SSX7: variants seen among roughly 807,000 people sequenced by gnomAD.
The protein encoded by SSX7 is protein SSX7.
Under a neutral mutation model 14.7 loss-of-function variants are expected in SSX7, and 15 were observed. The ratio of observed to expected loss-of-function variants is 1.02; its 90% CI spans 0.68 to 1.58. The LOEUF (loss-of-function observed/expected upper bound fraction) is 1.58, where lower values mean the gene tolerates loss of function less well. Ranked by LOEUF, SSX7 falls within the 40% of genes most tolerant of loss-of-function variation. The pLI, the probability that SSX7 is intolerant of heterozygous loss-of-function variation, is 0.00. For missense variants in SSX7, 178 were observed against 146.8 expected (o/e 1.21, Z -1.10); for synonymous variants, 46 against 50.6 (o/e 0.91, Z 0.38).
intron 6 of SSX7, 54 bp downstream of exon 6, chrX:52,648,207 C>A (rs1247675704): frequency 1.2e-5 from 14 of 1,189,133 alleles, no homozygotes; most frequent in Non-Finnish European, 1.6e-5. Flanking sequence ...AGTCCACACA[C>A]CTGAACATAG....
chrX:52,650,611 C>G (rs1375957834), intron 4 of SSX7, among the ~76,000 whole-genome samples: 2 of 112,198 alleles, frequency 1.8e-5, no homozygotes, highest in East Asian at 5.5e-4. Context: ...CATGGTTTAT[C>G]AAATGGGGAC....
rs1461847284 is a variant in SSX7, at chrX:52,648,499, C to A, written c.331-103G>T. On this transcript the variant is annotated intron_variant, in intron 5 of 7. Coordinates refer to ENST00000298181, the MANE Select transcript of SSX7 (RefSeq NM_173358.2). The stretch of plus-strand genomic sequence containing the variant: ...CATGCATTACCTTAATCAATGTTCT[C>A]AACAATGCTGGGAGAGTTACACATG... 17 of 1,104,454 alleles carry A rather than the reference C, an allele frequency of 1.5e-5. No individual in the cohort carries two copies. In the African/African-American group the frequency reaches 2.9e-4, roughly 19 times the overall value. The allele number at this position is 1,104,454 out of a possible 1,213,427, so 91.0% of individuals were successfully genotyped here. A position where few individuals can be genotyped will look rare whatever the true frequency, so the allele number is the denominator to read the frequency against.
chrX:52,645,438 C>G lies in SSX7; in HGVS notation c.*4+1G>C, dbSNP rs782722073. On this transcript the variant is annotated splice_donor_variant, in intron 7 of 7. Transcript: ENST00000298181. LOFTEE classifies it low-confidence loss of function (3UTR_SPLICE). ...GGGGGATGAGCCGAAGGTTCACTTACGGAGTTACTCGTCGTCTTCTTCAGG... is the reference window on the plus strand; with the variant it reads ...GGGGGATGAGCCGAAGGTTCACTTAGGGAGTTACTCGTCGTCTTCTTCAGG... 5.0e-6 allele frequency: 6 copies of G among 1,189,495 alleles called. No homozygotes were observed. Among genetic ancestry groups the G allele is most frequent in the Non-Finnish European group, 6.8e-6 (6 of 881,528 alleles).
Position 52,644,667 on chromosome X carries a change from G to A in SSX7, c.*8C>T, listed in dbSNP as rs781871092. Reference sequence around the variant, plus strand: ...CATCATGGGCATATGTCGTATCCCCGAGGCTGAGGCAAGAAGAGAGAAGGA... The same window carrying A: ...CATCATGGGCATATGTCGTATCCCCAAGGCTGAGGCAAGAAGAGAGAAGGA... On this transcript the variant is annotated 3_prime_UTR_variant, in exon 8 of 8. Coordinates refer to ENST00000298181, the MANE Select transcript of SSX7 (RefSeq NM_173358.2). 6.7e-5 allele frequency: 80 copies of A among 1,194,143 alleles called. No individual in the cohort carries two copies. Among genetic ancestry groups the A allele is most frequent in the South Asian group, 1.1e-4 (6 of 56,479 alleles).
intron 4 of SSX7, 93 bp downstream of exon 4, chrX:52,652,159 G>A: frequency 3.9e-6 from 3 of 770,987 alleles, no homozygotes; most frequent in Non-Finnish European, 6.0e-6. Flanking sequence ...ATGTGTATGA[G>A]GGAACAAATG....
intron 2 of SSX7, 165 bp from the exon 3 acceptor site, chrX:52,653,149 G>T (rs782266508): frequency 1.3e-6 from 1 of 752,111 alleles, no homozygotes; most frequent in East Asian, 1.5e-4. Flanking sequence ...ACACAGTAGG[G>T]CTTTAATGCT....
chrX:52,644,695 G>C (rs782095447), intron 7 of SSX7, 25 bp from the exon 8 acceptor site: 45 of 1,191,097 alleles, frequency 3.8e-5, no homozygotes, highest in Non-Finnish European at 4.9e-5. Context: ...GAGAAGGAAA[G>C]TAAGTGGCAG....
intron 1 of SSX7, among the ~76,000 whole-genome samples, chrX:52,654,409 C>T (rs28372319): frequency 0.021 from 1,715 of 82,839 alleles, 29 homozygotes; most frequent in Middle Eastern, 0.15. Flanking sequence ...TCTCTGCTGC[C>T]CAGGCTGGGA....
chrX:52,653,682 G>C (rs1172351488), intron 1 of SSX7, among the ~76,000 whole-genome samples, 190 bp from the exon 2 acceptor site: 1 of 110,504 alleles, frequency 9.0e-6, no homozygotes, highest in Non-Finnish European at 1.9e-5. Context: ...GGGTCTCTGG[G>C]AGAAGTATTG....
chrX:52,645,935 C>G (rs1346318237), intron 6 of SSX7, among the ~76,000 whole-genome samples: 8 of 111,676 alleles, frequency 7.2e-5, no homozygotes, highest in African/African-American at 2.6e-4. Flanking sequence ...ATCAATTTTA[C>G]ACCTTTCCGT....
intron 4 of SSX7, among the ~76,000 whole-genome samples, chrX:52,651,739 GGGGC>G (rs1556767014): frequency 2.7e-5 from 3 of 111,191 alleles, no homozygotes; most frequent in Non-Finnish European, 5.7e-5. Context: ...GCTGGGTGTG[GGGGC>G]GGGCACCCGT....
intron 7 of SSX7, among the ~76,000 whole-genome samples, chrX:52,644,885 T>A (rs1479303707): frequency 9.0e-6 from 1 of 111,100 alleles, no homozygotes; most frequent in African/African-American, 3.3e-5. Flanking sequence ...TAGAGGAAGG[T>A]GTGGCCCACA....
intron 6 of SSX7, among the ~76,000 whole-genome samples, chrX:52,647,086 C>CCACAACATT: frequency 8.9e-6 from 1 of 112,510 alleles, no homozygotes; most frequent in Non-Finnish European, 1.9e-5. Context: ...ATGAAACCAG[C>CCACAACATT]CACAACATTC....
chrX:52,653,777 G>A (rs1450537395), intron 1 of SSX7, among the ~76,000 whole-genome samples: 1 of 110,677 alleles, frequency 9.0e-6, no homozygotes, highest in Non-Finnish European at 1.9e-5. Flanking sequence ...GTTTCCCTGG[G>A]GCTAGCCTTA....
At chrX:52,652,071 C>T (rs1925450497) in intron 4 of SSX7, among the ~76,000 whole-genome samples, 181 bp downstream of exon 4, 1 of 107,472 alleles carries the variant, frequency 9.3e-6, no homozygotes, top group Admixed American at 1.0e-4. Flanking sequence ...TCTTGTTTTT[C>T]GTGTTTTAAA....
chrX:52,651,092 T>C (rs781971667), intron 4 of SSX7, among the ~76,000 whole-genome samples: 2 of 112,054 alleles, frequency 1.8e-5, no homozygotes, highest in South Asian at 7.5e-4. Context: ...CCGAAGAACC[T>C]GTCTTTTTTT....
Position 52,645,428 on chromosome X carries a change from G to A in SSX7, c.*4+11C>T, listed in dbSNP as rs1298862545. On this transcript the variant is annotated intron_variant, in intron 7 of 7. Transcript: ENST00000298181. The stretch of plus-strand genomic sequence containing the variant: ...GCAGGGATGTGGGGGATGAGCCGAA[G>A]GTTCACTTACGGAGTTACTCGTCGT... 6 of 1,201,294 alleles carry A rather than the reference G, an allele frequency of 5.0e-6. No homozygotes were observed. In the African/African-American group the frequency reaches 8.9e-5, roughly 18 times the overall value.
Position 52,652,738 on chromosome X carries a change from A to G in SSX7, c.184+132T>C. The G allele has an allele frequency of 6.5e-6, 4 of 618,212 alleles. No individual in the cohort carries two copies. The Admixed American group carries it at 1.4e-4, about 21-fold the overall frequency. 50.9% of individuals were successfully genotyped at this position (618,212 alleles called of 1,213,427 possible). Reference sequence around the variant, plus strand: ...GGATACAGAAGAGGAGAACACCCAGAAGCTGCCTTGCGATTTTTCCCTGCA... The same window carrying G: ...GGATACAGAAGAGGAGAACACCCAGGAGCTGCCTTGCGATTTTTCCCTGCA... On this transcript the variant is annotated intron_variant, in intron 3 of 7. Transcript: ENST00000298181.
rs1601972332 is a variant in SSX7, at chrX:52,644,651, C to T, written c.*24G>A. The T allele has an allele frequency of 7.5e-6, 9 of 1,196,468 alleles. No individual in the cohort carries two copies. In the East Asian group the frequency reaches 2.1e-4, roughly 28 times the overall value. ...ACCACGTTCTGCTTCTCATCATGGG[C>T]ATATGTCGTATCCCCGAGGCTGAGG... On this transcript the variant is annotated 3_prime_UTR_variant, in exon 8 of 8. Coordinates refer to ENST00000298181, the MANE Select transcript of SSX7 (RefSeq NM_173358.2).
Sources: allele counts gnomAD v4.1 joint callset (sites outside exome capture counted in the v4.1 genomes callset), GRCh38; gene constraint gnomAD v4.1.1; transcripts MANE v1.5; gene names NCBI Gene and HGNC (gene_info 2026-07-23, HGNC 2026-07-21).